The following GATA5 variants were observed in gnomAD, a reference collection of about 807,000 sequenced individuals.
GATA5 encodes the protein GATA binding protein 5.
GATA5 carries 27 observed loss-of-function variants against 35.0 expected under a neutral mutation model. That is an observed-to-expected ratio of 0.77 (90% CI 0.57 to 1.06). GATA5 has a LOEUF of 1.06. Among genes scored for constraint, GATA5 ranks in the 50% least tolerant of loss-of-function variants. The pLI is 0.00. For missense variants in GATA5, 612 were observed against 580.0 expected, an observed-to-expected ratio of 1.06 and a Z score of -0.57; for synonymous variants, 306 against 267.8, an observed-to-expected ratio of 1.14 and a Z score of -1.39.
At chr20:62,471,448 T>TTTTTTTTTTTTTTTTTTTTTTG (rs1216745509) in intron 3 of GATA5, among the ~76,000 whole-genome samples, 7 of 142,368 alleles carry the variant, frequency 4.9e-5, no homozygotes, top group Non-Finnish European at 9.3e-5. Flanking sequence ...TTTTTTTTTT[T>TTTTTTTTTTTTTTTTTTTTTTG]TGTGATGAGG....
At chr20:62,465,770 G>A (rs530479760) in intron 5 of GATA5, 64 bp downstream of exon 5, 11 of 1,245,184 alleles carry the variant, frequency 8.8e-6, no homozygotes, top group Admixed American at 5.9e-5. Flanking sequence ...CTCTCATGAC[G>A]GAACTGGAGG....
chr20:62,465,780 G>A (rs1989569042), intron 5 of GATA5, 54 bp downstream of exon 5: 2 of 1,333,122 alleles, frequency 1.5e-6, no homozygotes, highest in Admixed American at 2.0e-5. Context: ...GGAACTGGAG[G>A]CACCGAAGGC....
At position 62,464,699 on chromosome 20, in the gene GATA5, G is replaced by A. The variant is rs1989533020; in HGVS notation, c.*137C>T. The stretch of plus-strand genomic sequence containing the variant: ...GTCCAGAAGGCCTCCCCACCACTGT[G>A]TGGAGACTCCAGCAGACCCAGTCTC... On this transcript the variant is annotated 3_prime_UTR_variant, in exon 7 of 7. Transcript: ENST00000252997. 1 of 764,014 alleles carries A rather than the reference G, an allele frequency of 1.3e-6. No homozygotes were observed. The highest frequency in any genetic ancestry group is 2.0e-6 in the Non-Finnish European group (1 of 490,060). 47.3% of individuals were successfully genotyped at this position (764,014 alleles called of 1,614,324 possible).
At chr20:62,474,403 G>A (rs782072417) in intron 2 of GATA5, among the ~76,000 whole-genome samples, 2 of 152,244 alleles carry the variant, frequency 1.3e-5, no homozygotes, top group Non-Finnish European at 2.9e-5. Flanking sequence ...GCGCCAAAGG[G>A]CCGGCGGGGT....
At chr20:62,467,620 T>C (rs1406253483) in intron 3 of GATA5, among the ~76,000 whole-genome samples, 1 of 152,214 alleles carries the variant, frequency 6.6e-6, no homozygotes, top group Non-Finnish European at 1.5e-5. Context: ...CCGGCCTCTC[T>C]TGCCAGGATC....
Position 62,464,861 on chromosome 20 carries a change from G to A in GATA5, c.1169C>T (p.Ala390Val), listed in dbSNP as rs782020634. ...CTAGGCCAAGGCCAGCGCACACCAG[G>A]CCTCTTGGCGCAGAGCCCCCCTGAG... ...AGLRGALRQE[A>V]WCALALA is the part of the protein sequence containing the mutation. The change falls in exon 7 of 7, where the codon GCC becomes GTC. Residue 390 changes from alanine to valine, a missense_variant. By Grantham distance (64) the Ala-to-Val change is moderately conservative. Coordinates refer to ENST00000252997, the MANE Select transcript of GATA5 (RefSeq NM_080473.5). 6.8e-6 allele frequency: 11 copies of A among 1,608,026 alleles called. No individual in the cohort carries two copies. The highest frequency in any genetic ancestry group is 8.5e-7 in the Non-Finnish European group (1 of 1,177,272).
intron 5 of GATA5, 91 bp downstream of exon 5, chr20:62,465,743 G>T: frequency 9.2e-7 from 1 of 1,084,924 alleles, no homozygotes; most frequent in Non-Finnish European, 1.4e-6. Context: ...GACTGTGCTT[G>T]AACCAAACAC....
intron 5 of GATA5, 95 bp downstream of exon 5, chr20:62,465,739 G>A: frequency 9.5e-7 from 1 of 1,050,446 alleles, no homozygotes; most frequent in East Asian, 2.6e-5. Flanking sequence ...AGAGGACTGT[G>A]CTTGAACCAA....
At chr20:62,465,969 C>A in intron 4 of GATA5, 48 bp from the exon 5 acceptor site, 1 of 1,367,628 alleles carries the variant, frequency 7.3e-7, no homozygotes, top group Non-Finnish European at 1.0e-6. Context: ...CTGCTCACCC[C>A]GGGCCCCTTG....
intron 3 of GATA5, among the ~76,000 whole-genome samples, chr20:62,471,117 G>A (rs1569047029): frequency 6.6e-6 from 1 of 152,172 alleles, no homozygotes; most frequent in East Asian, 1.9e-4. Context: ...CCCCAGCCCA[G>A]GAGTCTGGGA....
chr20:62,467,134 C>T (rs1346201871), intron 3 of GATA5, among the ~76,000 whole-genome samples: 2 of 152,234 alleles, frequency 1.3e-5, no homozygotes, highest in African/African-American at 4.8e-5. Context: ...AACATTGCCT[C>T]CCTCCTTCCC....
chr20:62,469,426 C>T (rs1325980261), intron 3 of GATA5, among the ~76,000 whole-genome samples: 2 of 152,366 alleles, frequency 1.3e-5, no homozygotes, highest in South Asian at 2.1e-4. Context: ...CCAGAGGGAC[C>T]CTCGGGTCTG....
At chr20:62,465,587 C>T (rs1289020820) in intron 5 of GATA5, 123 bp from the exon 6 acceptor site, 46 of 1,327,638 alleles carry the variant, frequency 3.5e-5, no homozygotes, top group Middle Eastern at 2.0e-4. Context: ...ACGGTCACAC[C>T]GCAGGCGTGG....
Position 62,464,735 on chromosome 20 carries a change from G to A in GATA5, c.*101C>T. The A allele has an allele frequency of 1.9e-6, 2 of 1,051,704 alleles. No homozygotes were observed. The highest frequency in any genetic ancestry group is 1.7e-5 in the South Asian group (1 of 58,274). 65.1% of individuals were successfully genotyped at this position (1,051,704 alleles called of 1,614,324 possible). ...AGCAGACCCAGTCTCTGGGTTGGGG[G>A]GCCTGCTGGTCTCTGCTGTGCTGGA... On this transcript the variant is annotated 3_prime_UTR_variant, in exon 7 of 7. Coordinates refer to ENST00000252997, the MANE Select transcript of GATA5 (RefSeq NM_080473.5).
chr20:62,470,899 A>G lies in GATA5; in HGVS notation c.699+2504T>C, dbSNP rs1209128039. Among the ~76,000 whole-genome samples the G allele has an allele frequency of 1.3e-5, 2 of 152,184 alleles. No homozygotes were observed. The highest frequency in any genetic ancestry group is 1.3e-4 in the Admixed American group (2 of 15,280). On this transcript the variant is annotated intron_variant, in intron 3 of 6. Coordinates refer to ENST00000252997, the MANE Select transcript of GATA5 (RefSeq NM_080473.5). The surrounding 1 kb of genome is among the most constrained non-coding windows in gnomAD (Gnocchi z 4.6). ...AGGGTCCTCCCCCAGGAGGCACCCC[A>G]AAGCCCACCCTGTCTACCCCAGACC...
chr20:62,465,490 A>G, intron 5 of GATA5, 26 bp from the exon 6 acceptor site: 6 of 1,597,570 alleles, frequency 3.8e-6, no homozygotes, highest in Non-Finnish European at 5.1e-6. Context: ...GGGTGTTTAC[A>G]GAGGGGTCAG....
chr20:62,467,483 A>G (rs1601515708), intron 3 of GATA5, among the ~76,000 whole-genome samples: 1 of 152,064 alleles, frequency 6.6e-6, no homozygotes, highest in Non-Finnish European at 1.5e-5. Context: ...TGGTGGCACC[A>G]CCCTTCCCAG....
At chr20:62,471,056 C>T (rs1402550036) in intron 3 of GATA5, among the ~76,000 whole-genome samples, 1 of 152,216 alleles carries the variant, frequency 6.6e-6, no homozygotes, top group Non-Finnish European at 1.5e-5. Context: ...CTCCCCACTT[C>T]TCAGATGAGG....
chr20:62,472,604 T>C (rs1555896675), intron 3 of GATA5, among the ~76,000 whole-genome samples: 2 of 152,160 alleles, frequency 1.3e-5, no homozygotes, highest in African/African-American at 4.8e-5. Context: ...CTCCCCAATT[T>C]TAGATAACTT....
Sources: gnomAD v4.1 joint callset for allele counts (sites outside exome capture counted in the v4.1 genomes callset) on GRCh38, gnomAD v4.1.1 for gene constraint, Gnocchi (gnomAD v3.1) non-coding constraint, MANE v1.5 for transcripts, NCBI Gene and HGNC (gene_info 2026-07-23, HGNC 2026-07-21) for gene names.